CDH19: variants seen among roughly 807,000 people sequenced by gnomAD.
CDH19 encodes the protein cadherin-19.
Under a neutral mutation model 64.2 loss-of-function variants are expected in CDH19, and 67 were observed. That is an observed-to-expected ratio of 1.04 (90% CI 0.86 to 1.28). The LOEUF is 1.28. Among genes scored for constraint, CDH19 ranks in the 50% most tolerant of loss-of-function variants. The pLI, the probability that CDH19 is intolerant of heterozygous loss-of-function variation, is 0.00. For missense variants in CDH19, 1,030 were observed against 929.0 expected (o/e 1.11, Z -1.41); for synonymous variants, 346 against 319.3 (o/e 1.08, Z -0.89).
At chr18:66,521,358 A>T (rs1985974217) in intron 9 of CDH19, among the ~76,000 whole-genome samples, 1 of 152,154 alleles carries the variant, frequency 6.6e-6, no homozygotes, top group Admixed American at 6.5e-5. Context: ...CACGGTATTT[A>T]CATTAAGTCA....
chr18:66,591,278 G>A (rs543594116), intron 1 of CDH19, among the ~76,000 whole-genome samples: 1 of 151,986 alleles, frequency 6.6e-6, no homozygotes, highest in South Asian at 2.1e-4. Flanking sequence ...TACTTATAAT[G>A]TCTGACTTCT....
At chr18:66,577,599 T>G (rs1191112678) in intron 1 of CDH19, among the ~76,000 whole-genome samples, 1 of 151,944 alleles carries the variant, frequency 6.6e-6, no homozygotes, top group East Asian at 1.9e-4. Flanking sequence ...TACTTGTAAT[T>G]TCTTTGGCAA....
At chr18:66,583,535 A>G (rs2144608740) in intron 1 of CDH19, among the ~76,000 whole-genome samples, 1 of 151,990 alleles carries the variant, frequency 6.6e-6, no homozygotes, top group Admixed American at 6.6e-5. Flanking sequence ...TAGTTCCCTT[A>G]TTTATGTTAA....
intron 4 of CDH19, 48 bp downstream of exon 4, chr18:66,554,357 G>T: frequency 6.3e-7 from 1 of 1,594,288 alleles, no homozygotes; most frequent in Non-Finnish European, 8.6e-7. Flanking sequence ...GCTGACAATT[G>T]CCTTCTTTAG....
intron 4 of CDH19, among the ~76,000 whole-genome samples, chr18:66,553,739 C>T (rs2144521164): frequency 7.5e-6 from 1 of 133,334 alleles, no homozygotes; most frequent in Non-Finnish European, 1.5e-5. Context: ...GTTTAAAACA[C>T]AAAAATTAAT....
rs934352414 is a variant in CDH19 at position 66,565,847 on chromosome 18, A to G, written c.490+2569T>C. On this transcript the variant is annotated intron_variant, in intron 3 of 11. Coordinates refer to ENST00000262150, the MANE Select transcript of CDH19 (RefSeq NM_021153.4). ...TCTCCCTCTCATGGAAAGGTTACAC[A>G]AAGTGCTCATTAGTTCTTGCATGAT... Among the ~76,000 whole-genome samples, 6 of 151,906 alleles carry G rather than the reference A, an allele frequency of 3.9e-5. No individual in the cohort carries two copies. The South Asian group carries it at 1.2e-3, about 31-fold the overall frequency.
At chr18:66,593,428 A>G (rs1263887935) in intron 1 of CDH19, among the ~76,000 whole-genome samples, 1 of 152,006 alleles carries the variant, frequency 6.6e-6, no homozygotes, top group African/African-American at 2.4e-5. Context: ...TGCTGAGATA[A>G]GCCATGTACT....
intron 9 of CDH19, among the ~76,000 whole-genome samples, chr18:66,516,892 T>C (rs1049089954): frequency 1.3e-5 from 2 of 152,052 alleles, no homozygotes; most frequent in African/African-American, 4.8e-5. Flanking sequence ...ATGTAGGAGA[T>C]GGGATCAACA....
chr18:66,529,637 T>C (rs1241631394), intron 9 of CDH19, among the ~76,000 whole-genome samples: 9 of 148,052 alleles, frequency 6.1e-5, no homozygotes, highest in Non-Finnish European at 1.2e-4. Flanking sequence ...AATTATTACA[T>C]ATTATAAAGC....
intron 1 of CDH19, among the ~76,000 whole-genome samples, chr18:66,577,457 C>A (rs531923997): frequency 6.6e-6 from 1 of 151,818 alleles, no homozygotes; most frequent in African/African-American, 2.4e-5. Context: ...TGAAAAAGTT[C>A]AAAAGGTGAA....
At chr18:66,583,276 G>A (rs1270881910) in intron 1 of CDH19, among the ~76,000 whole-genome samples, 1 of 152,030 alleles carries the variant, frequency 6.6e-6, no homozygotes. Flanking sequence ...AGAATGAAAT[G>A]AAGGGCATCT....
intron 1 of CDH19, among the ~76,000 whole-genome samples, chr18:66,594,151 T>A (rs976013871): frequency 6.6e-6 from 1 of 151,764 alleles, no homozygotes; most frequent in Non-Finnish European, 1.5e-5. Context: ...CAGACAACTA[T>A]CAAAAACGAC....
intron 1 of CDH19, among the ~76,000 whole-genome samples, chr18:66,591,733 T>A (rs1233182654): frequency 6.6e-6 from 1 of 151,840 alleles, no homozygotes; most frequent in African/African-American, 2.4e-5. Context: ...CTATTTACTT[T>A]AATGGAAAAA....
chr18:66,572,736 A>G (rs1165959477), intron 1 of CDH19, among the ~76,000 whole-genome samples: 2 of 151,700 alleles, frequency 1.3e-5, no homozygotes, highest in African/African-American at 2.4e-5. Flanking sequence ...TTTGATAGAG[A>G]TAAGCTTCCT....
In CDH19 at chr18:66,519,688, AC is replaced by A. The variant is rs1270587669; in HGVS notation, c.1459-8004del. Among the ~76,000 whole-genome samples the A allele has an allele frequency of 8.5e-5, 13 of 152,282 alleles. No homozygotes were observed. The East Asian group carries it at 2.5e-3, about 29-fold the overall frequency. On this transcript the variant is annotated intron_variant, in intron 9 of 11. Transcript: ENST00000262150. ...TGTTTATTGCAATCCTCTCTAAAGA[AC>A]CACTTTGCCTTTCAAAAACATGGGA...
intron 9 of CDH19, among the ~76,000 whole-genome samples, chr18:66,529,485 G>T (rs1439399541): frequency 6.6e-6 from 1 of 150,634 alleles, no homozygotes; most frequent in East Asian, 1.9e-4. Flanking sequence ...TTAGGAATTT[G>T]AAAGTAGAAA....
At chr18:66,572,415 G>T in intron 1 of CDH19, 99 bp from the exon 2 acceptor site, 1 of 382,110 alleles carries the variant, frequency 2.6e-6, no homozygotes, top group Non-Finnish European at 4.7e-6. Flanking sequence ...TGACAAAAGT[G>T]GAATAAAAAT....
chr18:66,554,818 G>A (rs1987461604), intron 3 of CDH19, among the ~76,000 whole-genome samples: 1 of 151,734 alleles, frequency 6.6e-6, no homozygotes, highest in African/African-American at 2.4e-5. Flanking sequence ...TCATTGTAAT[G>A]TATAATTTAT....
chr18:66,600,324 G>T (rs897971291), intron 1 of CDH19, among the ~76,000 whole-genome samples: 1 of 151,650 alleles, frequency 6.6e-6, no homozygotes, highest in Non-Finnish European at 1.5e-5. Context: ...CAACCCTAAA[G>T]TTCTAATGTT....
Sources: allele counts gnomAD v4.1 joint callset (sites outside exome capture counted in the v4.1 genomes callset), GRCh38; gene constraint gnomAD v4.1.1; transcripts MANE v1.5; gene names NCBI Gene and HGNC (gene_info 2026-07-23, HGNC 2026-07-21).